Variants in LRRC75A observed in about 807,000 individuals in gnomAD.
LRRC75A encodes leucine-rich repeat-containing protein 75A.
In LRRC75A, 12 loss-of-function variants were observed where a neutral mutation model predicts 26.0. That is an observed-to-expected ratio of 0.46 (90% CI 0.30 to 0.75). LRRC75A has a LOEUF of 0.75. Among genes scored for constraint, LRRC75A ranks in the 30% least tolerant of loss-of-function variants. The pLI is 0.08. For synonymous variants in LRRC75A, 223 were observed against 219.3 expected, an observed-to-expected ratio of 1.02 and a Z score of -0.15; for missense variants, 410 against 486.6, an observed-to-expected ratio of 0.84 and a Z score of 1.48.
intron 3 of LRRC75A, among the ~76,000 whole-genome samples, chr17:16,444,585 C>T (rs1245718644): frequency 6.6e-6 from 1 of 152,092 alleles, no homozygotes; most frequent in East Asian, 1.9e-4. Flanking sequence ...TCTTTCAAGA[C>T]CATCTTCCCC....
rs1013692632 is a variant in LRRC75A, at chr17:16,491,847, CATCCCCGCGCCCGCGCGCCCCGCCTT to C, written c.118_143del (p.Lys40AlafsTer204). ...TGCCGACTCGCCGGTGGTAGGGGGG[CATCCCCGCGCCCGCGCGCCCCGCCTT>C]GTCCCCGGCGCGCAGCAGCAGCGAC... On this transcript the variant is annotated frameshift_variant, in exon 1 of 4. Transcript: ENST00000470794. LOFTEE classifies it high-confidence loss of function. This position sits in a 1 kb window ranked among gnomAD's most constrained non-coding sequence, Gnocchi z 5.9. The C allele has an allele frequency of 2.9e-6, 4 of 1,398,512 alleles. No homozygotes were observed. The allele number at this position is 1,398,512 out of a possible 1,614,324, so 86.6% of individuals were successfully genotyped here.
At chr17:16,472,805 GAACT>G (rs760250968) in intron 1 of LRRC75A, among the ~76,000 whole-genome samples, 51 of 152,272 alleles carry the variant, frequency 3.3e-4, no homozygotes, top group South Asian at 8.3e-4. Flanking sequence ...ATGTTTCAGA[GAACT>G]AATAGTCATC....
In LRRC75A at chr17:16,451,775, C is replaced by T. The variant is rs1382877351; in HGVS notation, c.376-3815G>A. On this transcript the variant is annotated intron_variant, in intron 2 of 3. Coordinates refer to ENST00000470794, the MANE Select transcript of LRRC75A (RefSeq NM_001113567.3). The stretch of plus-strand genomic sequence containing the variant: ...TTTTCTTTTTTTTGAGACGGAGTAT[C>T]GCTCTGTCGCCCAGGATGGAGTGTA... Among the ~76,000 whole-genome samples, 5 of 146,442 alleles carry T rather than the reference C, an allele frequency of 3.4e-5. No homozygotes were observed. In the East Asian group the frequency reaches 1.1e-3, roughly 31 times the overall value.
chr17:16,491,697 C>G lies in LRRC75A; in HGVS notation c.246+48G>C, dbSNP rs2093857704. ...GGATGGGGCGCCCCCCCCGGCCCAG[C>G]ACGCCCCCTGGCCCGGCGCGCCCCC... is the stretch of plus-strand genomic sequence containing the variant. On this transcript the variant is annotated intron_variant, in intron 1 of 3. Transcript: ENST00000470794. The surrounding 1 kb of genome is among the most constrained non-coding windows in gnomAD (Gnocchi z 5.9). 1 of 1,247,052 alleles carries G rather than the reference C, an allele frequency of 8.0e-7. No individual in the cohort carries two copies. Among genetic ancestry groups the G allele is most frequent in the Non-Finnish European group, 1.0e-6 (1 of 987,342 alleles). The allele number at this position is 1,247,052 out of a possible 1,614,324, so 77.2% of individuals were successfully genotyped here.
chr17:16,456,162 A>G lies in LRRC75A; in HGVS notation c.375+6096T>C, dbSNP rs145132072. Reference sequence around the variant, plus strand: ...GAGGAAGAGGAGGGAGAGGAGGAGGAAGAGGAGGGGTAGGAGGAGGAAGAG... The same window carrying G: ...GAGGAAGAGGAGGGAGAGGAGGAGGGAGAGGAGGGGTAGGAGGAGGAAGAG... On this transcript the variant is annotated intron_variant, in intron 2 of 3. Transcript: ENST00000470794. Among the ~76,000 whole-genome samples, 518 of 126,040 alleles carry G rather than the reference A, an allele frequency of 4.1e-3. 19 individuals carry two copies. The highest frequency in any genetic ancestry group is 0.016 in the African/African-American group (483 of 30,924). The allele number at this position is 126,040 out of a possible 152,430, so 82.7% of individuals were successfully genotyped here. A position where few individuals can be genotyped will look rare whatever the true frequency, so the allele number is the denominator to read the frequency against.
intron 1 of LRRC75A, among the ~76,000 whole-genome samples, chr17:16,485,793 C>T (rs141611735): frequency 4.7e-4 from 71 of 152,068 alleles, no homozygotes; most frequent in African/African-American, 1.6e-3. Context: ...CCCCACACTG[C>T]GGGGAGAATC....
chr17:16,448,769 G>A (rs2093607300), intron 2 of LRRC75A, among the ~76,000 whole-genome samples: 1 of 152,170 alleles, frequency 6.6e-6, no homozygotes, highest in African/African-American at 2.4e-5. Context: ...ACCACTTGAG[G>A]ACACAGGAGG....
At chr17:16,487,901 C>T (rs578097580) in intron 1 of LRRC75A, among the ~76,000 whole-genome samples, 2 of 152,326 alleles carry the variant, frequency 1.3e-5, no homozygotes, top group East Asian at 3.9e-4. Context: ...AAGAGGTGTG[C>T]GCCACACTTC....
intron 1 of LRRC75A, among the ~76,000 whole-genome samples, chr17:16,465,663 G>A (rs1459464470): frequency 1.3e-5 from 2 of 152,172 alleles, no homozygotes; most frequent in Admixed American, 6.5e-5. Context: ...TCCCTGGAAG[G>A]ACCAAGAAAA....
intron 1 of LRRC75A, among the ~76,000 whole-genome samples, chr17:16,480,911 G>A (rs1193621400): frequency 6.6e-6 from 1 of 152,198 alleles, no homozygotes; most frequent in Non-Finnish European, 1.5e-5. Context: ...CTTCTCCAGG[G>A]ACCACTGGGC....
chr17:16,487,911 C>T (rs1045341620), intron 1 of LRRC75A, among the ~76,000 whole-genome samples: 1 of 152,192 alleles, frequency 6.6e-6, no homozygotes, highest in African/African-American at 2.4e-5. Context: ...CGCCACACTT[C>T]GAGTAAACCA....
chr17:16,467,670 A>G (rs2093779887), intron 1 of LRRC75A, among the ~76,000 whole-genome samples: 1 of 152,230 alleles, frequency 6.6e-6, no homozygotes, highest in East Asian at 1.9e-4. Flanking sequence ...CCTGCAGATG[A>G]GAATGAGGCT....
At chr17:16,476,884 G>A (rs11867677) in intron 1 of LRRC75A, among the ~76,000 whole-genome samples, 77,192 of 151,260 alleles carry the variant, frequency 0.51, 20,806 homozygotes, top group East Asian at 0.84. Flanking sequence ...GACCACAGGC[G>A]CCCACCACCA....
chr17:16,463,941 C>G (rs2093747724), intron 1 of LRRC75A: 1 of 152,344 alleles, frequency 6.6e-6, no homozygotes, highest in South Asian at 2.1e-4. Flanking sequence ...GCTCTGCGGT[C>G]TGGCAGCTGA....
intron 3 of LRRC75A, among the ~76,000 whole-genome samples, chr17:16,446,580 A>T (rs925930409): frequency 6.6e-6 from 1 of 151,934 alleles, no homozygotes; most frequent in East Asian, 1.9e-4. Context: ...GGGCGAGGAG[A>T]GCAAATCAGA....
intron 1 of LRRC75A, among the ~76,000 whole-genome samples, chr17:16,473,693 CTG>C (rs2093812995): frequency 6.6e-6 from 1 of 152,190 alleles, no homozygotes; most frequent in South Asian, 2.1e-4. Flanking sequence ...GAGGTAAAGA[CTG>C]GGGTTCTCTG....
chr17:16,466,022 C>T (rs144673749), intron 1 of LRRC75A, among the ~76,000 whole-genome samples: 15 of 152,366 alleles, frequency 9.8e-5, no homozygotes, highest in Non-Finnish European at 1.5e-4. Context: ...GGCCAAAGGC[C>T]ATGGCACACA....
chr17:16,480,225 GA>G (rs1466090500), intron 1 of LRRC75A, among the ~76,000 whole-genome samples: 3 of 152,118 alleles, frequency 2.0e-5, no homozygotes, highest in African/African-American at 4.8e-5. Context: ...GGTAATAACA[GA>G]AATAAAGTAC....
intron 2 of LRRC75A, among the ~76,000 whole-genome samples, chr17:16,453,162 G>C (rs964702533): frequency 1.3e-5 from 2 of 152,116 alleles, no homozygotes; most frequent in Non-Finnish European, 2.9e-5. Context: ...AGTCGTGGGT[G>C]CCTGTAGTCC....
Sources: gnomAD v4.1 joint callset for allele counts (sites outside exome capture counted in the v4.1 genomes callset) on GRCh38, gnomAD v4.1.1 for gene constraint, Gnocchi (gnomAD v3.1) non-coding constraint, MANE v1.5 for transcripts, NCBI Gene and HGNC (gene_info 2026-07-23, HGNC 2026-07-21) for gene names.